Variants in CAMSAP1 observed in about 807,000 individuals in gnomAD.
CAMSAP1 encodes calmodulin regulated spectrin associated protein 1.
In CAMSAP1, 58 loss-of-function variants were observed where a neutral mutation model predicts 143.5. The observed-to-expected ratio is 0.40, with a 90% CI of 0.33 to 0.50. The LOEUF (loss-of-function observed/expected upper bound fraction) is 0.50, where lower values mean the gene tolerates loss of function less well. CAMSAP1 is among the 20% of genes least tolerant of loss of function. The pLI, the probability that CAMSAP1 is intolerant of heterozygous loss-of-function variation, is 0.45. For synonymous variants in CAMSAP1, 945 were observed against 859.3 expected (o/e 1.10, Z -1.74); for missense variants, 1,969 against 2,115.7 (o/e 0.93, Z 1.36).
In CAMSAP1 at chr9:135,822,588, G is replaced by T. The variant is rs1217491493; in HGVS notation, c.2073C>A (p.Phe691Leu). 1 of 1,613,404 alleles carries T rather than the reference G, an allele frequency of 6.2e-7. No individual in the cohort carries two copies. The highest frequency in any genetic ancestry group is 1.7e-5 in the Admixed American group (1 of 59,968). ...AGCCATCCGTGGATGGTCCCTGGGG[G>T]AACGGATCGAATCCGCCAAGGGCCA... ...GPLALGGFDP[F>L]PQGPSTDGFF... The change falls in exon 11 of 17, where the codon TTC becomes TTA. Residue 691 changes from phenylalanine to leucine, a missense_variant. Phe to Leu is a conservative substitution (Grantham distance 22). Around this residue, in one of 4 missense-constraint regions of CAMSAP1, gnomAD observed 1,390 missense variants for 1,420.8 expected, o/e 0.98. Transcript: ENST00000389532. The surrounding 1 kb of genome is among the most constrained non-coding windows in gnomAD (Gnocchi z 6.1).
chr9:135,906,947 CCGGCCCCGGCCCG>C (rs1838802384), intron 1 of CAMSAP1, 40 bp downstream of exon 1: 1 of 959,116 alleles, frequency 1.0e-6, no homozygotes, highest in Non-Finnish European at 1.2e-6. Flanking sequence ...GCCGCGTCCC[CCGGCCCCGGCCCG>C]CGCCCCTGGC....
Position 135,822,751 on chromosome 9 carries a change from C to T in CAMSAP1, c.1910G>A (p.Arg637Gln), listed in dbSNP as rs200605951. ...RPSEGPQPLV[R>Q]RKMTGSRDLN... ...GTCGCGACTGCCAGTCATTTTCCTT[C>T]GTACCAAAGGCTGGGGGCCCTCGCT... is the stretch of plus-strand genomic sequence containing the variant. The change falls in exon 11 of 17, where the codon CGA becomes CAA. Residue 637 changes from arginine to glutamine, a missense_variant. Arg to Gln is a conservative substitution (Grantham distance 43, BLOSUM62 1). Around this residue, in one of 4 missense-constraint regions of CAMSAP1, gnomAD observed 1,390 missense variants for 1,420.8 expected, o/e 0.98. Transcript: ENST00000389532. The surrounding 1 kb of genome is among the most constrained non-coding windows in gnomAD (Gnocchi z 6.1). 466 of 1,613,140 alleles carry T rather than the reference C, an allele frequency of 2.9e-4. No homozygotes were observed. The highest frequency in any genetic ancestry group is 2.0e-3 in the Admixed American group (119 of 59,876).
intron 1 of CAMSAP1, among the ~76,000 whole-genome samples, chr9:135,890,515 TC>T (rs761678604): frequency 5.3e-5 from 8 of 152,052 alleles, no homozygotes; most frequent in Non-Finnish European, 1.0e-4. Context: ...ACCGCACCTT[TC>T]TAAGGACAAA....
chr9:135,815,101 A>C lies in CAMSAP1; in HGVS notation c.4502T>G (p.Leu1501Trp). The change falls in exon 16 of 17, where the codon TTG (leucine) becomes TGG (tryptophan). Residue 1501 changes from leucine (L) to tryptophan (W), a missense_variant. Physicochemically the swap from Leu to Trp is moderately conservative, Grantham distance 61. This residue lies in a region of CAMSAP1 where 143 missense variants were observed against 200.6 expected (regional missense o/e 0.71). Transcript: ENST00000389532. ...KVNEPHKNSI[L>W]EELEKCDANH... ...AGGTTGAAACATGATACTTGCCTCCAATATGGAATTCTTGTGGGGTTCGTT... is the reference window on the plus strand; with the variant it reads ...AGGTTGAAACATGATACTTGCCTCCCATATGGAATTCTTGTGGGGTTCGTT... The C allele has an allele frequency of 6.2e-7, 1 of 1,605,070 alleles. No individual in the cohort carries two copies. The highest frequency in any genetic ancestry group is 8.5e-7 in the Non-Finnish European group (1 of 1,172,174).
At chr9:135,869,296 A>G (rs528215240) in intron 3 of CAMSAP1, among the ~76,000 whole-genome samples, 9 of 152,224 alleles carry the variant, frequency 5.9e-5, no homozygotes, top group African/African-American at 2.2e-4. Context: ...TGAGCTCAGG[A>G]GTTCAAGACC....
At chr9:135,881,537 G>T in intron 3 of CAMSAP1, 96 bp downstream of exon 3, 1 of 1,349,366 alleles carries the variant, frequency 7.4e-7, no homozygotes, top group Non-Finnish European at 1.0e-6. Flanking sequence ...TGAAGGGCTG[G>T]GTCTCAGCGT....
chr9:135,899,596 T>A (rs1200973821), intron 1 of CAMSAP1, among the ~76,000 whole-genome samples: 1 of 152,104 alleles, frequency 6.6e-6, no homozygotes, highest in Non-Finnish European at 1.5e-5. Context: ...AATCTACGAA[T>A]CAGCCACTCA....
At chr9:135,885,665 A>C (rs2130993257) in intron 1 of CAMSAP1, among the ~76,000 whole-genome samples, 1 of 152,328 alleles carries the variant, frequency 6.6e-6, no homozygotes, top group Admixed American at 6.5e-5. Flanking sequence ...CCATAGGGTG[A>C]CCCACTTTTA....
intron 16 of CAMSAP1, among the ~76,000 whole-genome samples, chr9:135,813,308 G>A (rs1285811879): frequency 6.6e-6 from 1 of 152,194 alleles, no homozygotes; most frequent in East Asian, 1.9e-4. Context: ...GCCCTCTTAT[G>A]TCAATGCCAC....
At chr9:135,819,415 G>A (rs1427050553) in intron 11 of CAMSAP1, among the ~76,000 whole-genome samples, 1 of 152,112 alleles carries the variant, frequency 6.6e-6, no homozygotes, top group Non-Finnish European at 1.5e-5. Context: ...AAATAAGAGC[G>A]AGGCTGGGCA....
At chr9:135,867,468 G>GACCC (rs1564448805) in intron 3 of CAMSAP1, among the ~76,000 whole-genome samples, 1 of 134,752 alleles carries the variant, frequency 7.4e-6, no homozygotes, top group African/African-American at 2.8e-5. Context: ...AACACAGCAA[G>GACCC]ACCCCCCTCT....
intron 3 of CAMSAP1, among the ~76,000 whole-genome samples, chr9:135,866,902 G>A (rs1037857582): frequency 7.2e-5 from 11 of 152,162 alleles, no homozygotes; most frequent in Non-Finnish European, 1.2e-4. Flanking sequence ...CAATCTGGTG[G>A]AGACACCTCA....
intron 5 of CAMSAP1, among the ~76,000 whole-genome samples, chr9:135,858,164 TTTTTA>T (rs1223752862): frequency 6.6e-6 from 1 of 151,804 alleles, no homozygotes; most frequent in Non-Finnish European, 1.5e-5. Context: ...CTTTTTTTTT[TTTTTA>T]ATTACTTCTC....
intron 7 of CAMSAP1, among the ~76,000 whole-genome samples, chr9:135,829,887 A>ATAAC (rs894781784): frequency 4.0e-5 from 6 of 149,648 alleles, no homozygotes; most frequent in Admixed American, 2.0e-4. Flanking sequence ...AAATAAATAA[A>ATAAC]TAACAATAAG....
At position 135,879,167 on chromosome 9, in the gene CAMSAP1, A is replaced by G. The variant is rs535443898; in HGVS notation, c.585+2466T>C. Among the ~76,000 whole-genome samples the G allele has an allele frequency of 1.7e-3, 262 of 152,300 alleles. 1 individual carries two copies. Among genetic ancestry groups the G allele is most frequent in the African/African-American group, 6.1e-3 (252 of 41,546 alleles). On this transcript the variant is annotated intron_variant, in intron 3 of 16. Transcript: ENST00000389532. ...TGTCACAATCCTACCTCAGTAGATC[A>G]TGTCCACAAATGAGGAGTCAGGAGC...
At chr9:135,871,555 A>T (rs944520619) in intron 3 of CAMSAP1, among the ~76,000 whole-genome samples, 3 of 152,108 alleles carry the variant, frequency 2.0e-5, no homozygotes, top group Non-Finnish European at 2.9e-5. Context: ...AAATCAACTT[A>T]CTGTTATTTT....
In CAMSAP1 at chr9:135,881,920, G is replaced by A. The variant is rs907962910; in HGVS notation, c.424-126C>T. The stretch of plus-strand genomic sequence containing the variant: ...TCATCCCTCGCCCTTTCCGTCTGAA[G>A]AGATACTCAGATTTGAGACCTGCCT... On this transcript the variant is annotated intron_variant, in intron 2 of 16. Transcript: ENST00000389532. 41 of 1,157,498 alleles carry A rather than the reference G, an allele frequency of 3.5e-5. No homozygotes were observed. The African/African-American group carries it at 5.6e-4, about 16-fold the overall frequency. 71.7% of individuals were successfully genotyped at this position (1,157,498 alleles called of 1,614,324 possible).
At chr9:135,905,472 C>T (rs796856712) in intron 1 of CAMSAP1, among the ~76,000 whole-genome samples, 4 of 152,160 alleles carry the variant, frequency 2.6e-5, no homozygotes, top group African/African-American at 9.7e-5. Context: ...ACTTTGTGCT[C>T]GGATCCCAGG....
chr9:135,814,960 C>T, intron 16 of CAMSAP1, 137 bp downstream of exon 16: 1 of 680,678 alleles, frequency 1.5e-6, no homozygotes, highest in South Asian at 1.9e-5. Flanking sequence ...CCTGGAACGG[C>T]CTCTTCCTTG....
Sources: gnomAD v4.1 joint callset for allele counts (sites outside exome capture counted in the v4.1 genomes callset) on GRCh38, gnomAD v4.1.1 for gene constraint, gnomAD v4.1.1 regional missense constraint, Gnocchi (gnomAD v3.1) non-coding constraint, MANE v1.5 for transcripts, NCBI Gene and HGNC (gene_info 2026-07-23, HGNC 2026-07-21) for gene names.